Variants in RUFY2 observed in about 807,000 individuals in gnomAD.
RUFY2 encodes the protein RUN and FYVE domain containing 2, also known as RUN and FYVE domain-containing protein 2.
RUFY2 carries 49 observed loss-of-function variants against 94.4 expected under a neutral mutation model. The observed-to-expected ratio is 0.52, with a 90% CI of 0.41 to 0.66. The LOEUF (loss-of-function observed/expected upper bound fraction) is 0.66. Ranked by LOEUF, RUFY2 falls within the 30% of genes least tolerant of loss-of-function variation. The pLI is 0.00. For synonymous variants in RUFY2, 255 were observed against 235.7 expected (o/e 1.08, Z -0.75); for missense variants, 541 against 692.8 (o/e 0.78, Z 2.46).
At chr10:68,341,979 C>A, downstream of RUFY2, 4 of 1,613,492 alleles carry the variant, frequency 2.5e-6, no homozygotes, top group Non-Finnish European at 3.4e-6. Flanking sequence ...TTTCTTAAGG[C>A]CGTGGTGGTG....
At chr10:68,407,111 A>G in intron 1 of RUFY2, 75 bp downstream of exon 1, 2 of 1,514,378 alleles carry the variant, frequency 1.3e-6, no homozygotes, top group East Asian at 2.6e-5. Flanking sequence ...CCCAGCTCCC[A>G]GTCCACCCCG....
chr10:68,353,587 G>A (rs2046847652), intron 16 of RUFY2, among the ~76,000 whole-genome samples: 1 of 151,772 alleles, frequency 6.6e-6, no homozygotes, highest in African/African-American at 2.4e-5. Context: ...ACTGCCCGAG[G>A]ACAGGTGTTC....
chr10:68,371,322 T>G (rs547811730), intron 13 of RUFY2, among the ~76,000 whole-genome samples: 1 of 151,888 alleles, frequency 6.6e-6, no homozygotes, highest in African/African-American at 2.4e-5. Context: ...CTCAGGAGGC[T>G]GAGGCAGGAG....
At chr10:68,371,727 A>G (rs1366192691) in intron 13 of RUFY2, among the ~76,000 whole-genome samples, 1 of 152,226 alleles carries the variant, frequency 6.6e-6, no homozygotes, top group Admixed American at 6.5e-5. Flanking sequence ...ACCTACACAT[A>G]TAAGAAGCTG....
At chr10:68,400,512 T>C (rs1409435196) in intron 3 of RUFY2, among the ~76,000 whole-genome samples, 1 of 146,662 alleles carries the variant, frequency 6.8e-6, no homozygotes, top group East Asian at 2.1e-4. Flanking sequence ...CCGTCTCTAC[T>C]AAAAATACAA....
At chr10:68,403,315 G>T (rs1487519137) in intron 2 of RUFY2, among the ~76,000 whole-genome samples, 1 of 151,680 alleles carries the variant, frequency 6.6e-6, no homozygotes, top group Non-Finnish European at 1.5e-5. Context: ...GCAGTGGCAC[G>T]ATCTCAGCTC....
chr10:68,383,962 C>T, intron 9 of RUFY2, 48 bp from the exon 10 acceptor site: 1 of 1,569,382 alleles, frequency 6.4e-7, no homozygotes, highest in South Asian at 1.1e-5. Flanking sequence ...ACTATTAATA[C>T]AGCATAGAAA....
At chr10:68,401,902 G>A (rs1213032327) in intron 2 of RUFY2, among the ~76,000 whole-genome samples, 165 bp from the exon 3 acceptor site, 5 of 152,096 alleles carry the variant, frequency 3.3e-5, no homozygotes, top group Non-Finnish European at 7.3e-5. Context: ...TGTGCCAGTA[G>A]GATCCTGTTG....
At chr10:68,357,550 ATTT>A (rs967065488) in intron 15 of RUFY2, among the ~76,000 whole-genome samples, 1 of 151,452 alleles carries the variant, frequency 6.6e-6, no homozygotes, top group Non-Finnish European at 1.5e-5. Context: ...TATAATTTAA[ATTT>A]TTTTTTCTTT....
At chr10:68,373,115 C>G (rs10998093) in intron 13 of RUFY2, among the ~76,000 whole-genome samples, 16,542 of 152,102 alleles carry the variant, frequency 0.11, 1,111 homozygotes, top group South Asian at 0.25. Context: ...AAAGAGGGGA[C>G]AAGGTATGAA....
chr10:68,381,435 T>C, intron 10 of RUFY2, 36 bp from the exon 11 acceptor site: 2 of 1,574,808 alleles, frequency 1.3e-6, no homozygotes, highest in Non-Finnish European at 1.7e-6. Context: ...CACATGCCAC[T>C]TCAGGATGTA....
intron 16 of RUFY2, among the ~76,000 whole-genome samples, chr10:68,349,540 AAAAAAATTTTTTTTT>A (rs1404118570): frequency 6.6e-6 from 1 of 151,710 alleles, no homozygotes; most frequent in African/African-American, 2.4e-5. Flanking sequence ...TTTTAAAGAA[AAAAAAATTTTTTTTT>A]TGAGACAGAG....
At chr10:68,371,195 G>A (rs1385700399) in intron 13 of RUFY2, among the ~76,000 whole-genome samples, 1 of 151,446 alleles carries the variant, frequency 6.6e-6, no homozygotes, top group African/African-American at 2.4e-5. Flanking sequence ...ACTTCGGGAG[G>A]CCGTGTGATG....
At chr10:68,382,796 C>A (rs1419994954) in intron 10 of RUFY2, among the ~76,000 whole-genome samples, 2 of 151,458 alleles carry the variant, frequency 1.3e-5, no homozygotes, top group Middle Eastern at 3.2e-3. Flanking sequence ...GGGCAATATT[C>A]TCTTCTTGAC....
At chr10:68,389,363 TG>T (rs749764473) in intron 7 of RUFY2, among the ~76,000 whole-genome samples, 5 of 145,950 alleles carry the variant, frequency 3.4e-5, no homozygotes, top group Non-Finnish European at 6.0e-5. Context: ...GAGGCCGAGG[TG>T]GGTGGATCAC....
intron 4 of RUFY2, among the ~76,000 whole-genome samples, chr10:68,396,061 C>T (rs1025205470): frequency 2.0e-5 from 3 of 152,156 alleles, no homozygotes; most frequent in South Asian, 2.1e-4. Context: ...TGCAGTGGCG[C>T]GATCTCAGGT....
chr10:68,342,844 A>G (rs995420974), downstream of RUFY2: 2 of 152,542 alleles, frequency 1.3e-5, no homozygotes, highest in Non-Finnish European at 2.9e-5. Flanking sequence ...GGTATTTACT[A>G]TGGAGTATAA....
chr10:68,398,126 CAAAAAAAAA>C (rs377600173), intron 3 of RUFY2, among the ~76,000 whole-genome samples: 3 of 65,044 alleles, frequency 4.6e-5, no homozygotes, highest in East Asian at 6.3e-4. Flanking sequence ...GATTTGTTCT[CAAAAAAAAA>C]AAAAAAAAAA....
Position 68,375,407 on chromosome 10 carries a change from C to T in RUFY2, c.1325+1446G>A, listed in dbSNP as rs542660515. On this transcript the variant is annotated intron_variant, in intron 13 of 17. Coordinates refer to ENST00000602465, the MANE Select transcript of RUFY2 (RefSeq NM_001330103.2). ...GATAAAATAATATACACAACAAACACCCATGACACGTGTTTACCTAGTAAC... is the reference window on the plus strand; with the variant it reads ...GATAAAATAATATACACAACAAACATCCATGACACGTGTTTACCTAGTAAC... Among the ~76,000 whole-genome samples the T allele has an allele frequency of 5.3e-5, 8 of 151,864 alleles. No homozygotes were observed. The South Asian group carries it at 1.7e-3, about 32-fold the overall frequency.
Sources: gnomAD v4.1 joint callset for allele counts (sites outside exome capture counted in the v4.1 genomes callset) on GRCh38, gnomAD v4.1.1 for gene constraint, MANE v1.5 for transcripts, NCBI Gene and HGNC (gene_info 2026-07-23, HGNC 2026-07-21) for gene names.